SELENOO: variants seen among roughly 807,000 people sequenced by gnomAD.
SELENOO encodes the protein protein adenylyltransferase SelO, mitochondrial.
Under a neutral mutation model 58.7 loss-of-function variants are expected in SELENOO, and 74 were observed. That is an observed-to-expected ratio of 1.26 (90% CI 1.04 to 1.53). The LOEUF (loss-of-function observed/expected upper bound fraction) is 1.53, where lower values mean the gene tolerates loss of function less well. Ranked by LOEUF, SELENOO falls within the 40% of genes most tolerant of loss-of-function variation. SELENOO has a pLI of 0.00. For synonymous variants in SELENOO, 543 were observed against 453.2 expected (o/e 1.20, Z -2.52); for missense variants, 1,149 against 970.0 (o/e 1.18, Z -2.45).
intron 5 of SELENOO, among the ~76,000 whole-genome samples, chr22:50,212,071 G>T (rs562032078): frequency 2.6e-5 from 4 of 152,190 alleles, no homozygotes; most frequent in African/African-American, 9.7e-5. Flanking sequence ...ATCTGTATGC[G>T]TAAGGGATAC....
Position 50,217,610 on chromosome 22 carries a change from CCCT to C in SELENOO, c.*243_*245del. 3.8e-6 allele frequency: 4 copies of C among 1,052,028 alleles called. No homozygotes were observed. The highest frequency in any genetic ancestry group is 1.6e-5 in the South Asian group (1 of 61,210). The allele number at this position is 1,052,028 out of a possible 1,614,324, so 65.2% of individuals were successfully genotyped here. A position where few individuals can be genotyped will look rare whatever the true frequency, so the allele number is the denominator to read the frequency against. On this transcript the variant is annotated 3_prime_UTR_variant, in exon 9 of 9. Coordinates refer to ENST00000380903, the MANE Select transcript of SELENOO (RefSeq NM_031454.2). ...CAGGCTCCTAAATAAACCAGCAACT[CCCT>C]CGAGTCTGTCTCTGTGGTCATTGTT...
intron 4 of SELENOO, 83 bp from the exon 5 acceptor site, chr22:50,210,547 CT>C: frequency 1.3e-6 from 2 of 1,588,682 alleles, no homozygotes; most frequent in South Asian, 2.2e-5. Context: ...GGACCTTCCC[CT>C]GGGCCTCCCC....
rs775830339 is a variant in SELENOO, at chr22:50,216,747, T to C, written c.1559T>C (p.Met520Thr). ...AQSNPQLFAL[M>T]GTRAGIAREL... is the part of the protein sequence containing the mutation. Reference sequence around the variant, plus strand: ...TCAAACCCGCAGCTGTTCGCGCTTATGGGCACCCGGGCAGGCATCGCCAGG... The same window carrying C: ...TCAAACCCGCAGCTGTTCGCGCTTACGGGCACCCGGGCAGGCATCGCCAGG... Residue 520 changes from methionine (M) to threonine (T), a missense_variant, in exon 7 of 9, where the codon ATG becomes ACG. Coordinates refer to ENST00000380903, the MANE Select transcript of SELENOO (RefSeq NM_031454.2). 6 of 1,607,476 alleles carry C rather than the reference T, an allele frequency of 3.7e-6. No individual in the cohort carries two copies. The highest frequency in any genetic ancestry group is 2.2e-5 in the South Asian group (2 of 90,740).
At chr22:50,203,226 T>A (rs571581975) in intron 1 of SELENOO, among the ~76,000 whole-genome samples, 3 of 152,224 alleles carry the variant, frequency 2.0e-5, no homozygotes, top group South Asian at 2.1e-4. Context: ...TATTTTTTTT[T>A]ATTAGCTGGG....
In SELENOO at chr22:50,208,570, G is replaced by T. The variant is rs2064347566; in HGVS notation, c.793G>T (p.Glu265Ter). The T allele has an allele frequency of 1.2e-6, 2 of 1,613,746 alleles. No individual in the cohort carries two copies. Among genetic ancestry groups the T allele is most frequent in the South Asian group, 2.2e-5 (2 of 91,078 alleles). ...CTTTGAGATTTTTAAGTCTGCAGAT[G>T]AGCACACAGGGCGTGCAGGCCCCAG... ...GSFEIFKSAD[E>*]HTGRAGPSVG... The change falls in exon 3 of 9, where the codon GAG (glutamate) becomes TAG (stop). Residue 265 changes from glutamate (E) to a stop codon, truncating the protein, a stop_gained. Transcript: ENST00000380903. LOFTEE classifies it high-confidence loss of function.
intron 2 of SELENOO, 194 bp from the exon 3 acceptor site, chr22:50,208,342 A>G: frequency 2.0e-6 from 1 of 489,800 alleles, no homozygotes. Flanking sequence ...AGGCAGTAGA[A>G]TCACTTGAAC....
chr22:50,208,824 CCCCG>C, intron 3 of SELENOO, 108 bp downstream of exon 3: 1 of 1,093,218 alleles, frequency 9.1e-7, no homozygotes, highest in Admixed American at 2.2e-5. Flanking sequence ...TACCCAGCCT[CCCCG>C]CCCTTCTCTG....
chr22:50,208,360 T>A, intron 2 of SELENOO, 176 bp from the exon 3 acceptor site: 1 of 534,228 alleles, frequency 1.9e-6, no homozygotes, highest in South Asian at 2.4e-5. Context: ...AACCCAGAAG[T>A]TGGAGGTTGT....
At chr22:50,216,215 C>T (rs1054556554) in intron 6 of SELENOO, among the ~76,000 whole-genome samples, 1 of 152,206 alleles carries the variant, frequency 6.6e-6, no homozygotes, top group Non-Finnish European at 1.5e-5. Flanking sequence ...TGAAGAGTCC[C>T]GCCCACGTGC....
Position 50,216,760 on chromosome 22 carries a change from A to G in SELENOO, c.1572A>G (p.Ala524=), listed in dbSNP as rs2064416401. ...PQLFALMGTR[A]GIARELERVE... is the part of the protein sequence containing the mutation. The stretch of plus-strand genomic sequence containing the variant: ...TGTTCGCGCTTATGGGCACCCGGGC[A>G]GGCATCGCCAGGGAGCTGGAGCGTG... Residue 524 remains alanine (A), a synonymous_variant, in exon 7 of 9, where the codon GCA becomes GCG. Transcript: ENST00000380903. 6.2e-7 allele frequency: 1 copy of G among 1,608,156 alleles called. No homozygotes were observed. The highest frequency in any genetic ancestry group is 8.5e-7 in the Non-Finnish European group (1 of 1,179,586).
chr22:50,213,145 C>T (rs1320087382), intron 5 of SELENOO, among the ~76,000 whole-genome samples: 3 of 152,148 alleles, frequency 2.0e-5, no homozygotes. Flanking sequence ...ACTGCAACCT[C>T]CGCCTCCCAG....
chr22:50,215,826 G>A lies in SELENOO; in HGVS notation c.1461G>A (p.Leu487=). The change falls in exon 6 of 9, where the codon CTG becomes CTA. Residue 487 remains leucine (L), a synonymous_variant. Coordinates refer to ENST00000380903, the MANE Select transcript of SELENOO (RefSeq NM_031454.2). ...LARLMEQCAS[L]EELRLAFRPQ... ...GGCTGATGGAGCAGTGTGCCTCCCTGGAGGAGCTGAGGCTGGCCTTCCGGC... is the reference window on the plus strand; with the variant it reads ...GGCTGATGGAGCAGTGTGCCTCCCTAGAGGAGCTGAGGCTGGCCTTCCGGC... 5 of 1,612,218 alleles carry A rather than the reference G, an allele frequency of 3.1e-6. No individual in the cohort carries two copies. Among genetic ancestry groups the A allele is most frequent in the Non-Finnish European group, 4.2e-6 (5 of 1,178,834 alleles).
chr22:50,215,446 C>T lies in SELENOO; in HGVS notation c.1352-271C>T, dbSNP rs949841377. Among the ~76,000 whole-genome samples the T allele has an allele frequency of 1.3e-4, 19 of 149,570 alleles. 2 individuals carry two copies. Among genetic ancestry groups the T allele is most frequent in the Admixed American group, 9.3e-4 (14 of 15,042 alleles). ...CTGTGCTGGGGGCAGCATTTGGGTC[C>T]GTGTGGGTCTCTGTGGCATGCGTGC... is the stretch of plus-strand genomic sequence containing the variant. On this transcript the variant is annotated intron_variant, in intron 5 of 8. Coordinates refer to ENST00000380903, the MANE Select transcript of SELENOO (RefSeq NM_031454.2).
At chr22:50,211,290 G>T (rs1029472702) in intron 5 of SELENOO, among the ~76,000 whole-genome samples, 1 of 152,170 alleles carries the variant, frequency 6.6e-6, no homozygotes, top group African/African-American at 2.4e-5. Context: ...ACGGTGCACT[G>T]TGTGTTGTGT....
Position 50,217,117 on chromosome 22 carries a change from G to T in SELENOO, c.1834G>T (p.Asp612Tyr), listed in dbSNP as rs776118713. Residue 612 changes from aspartate (D) to tyrosine (Y), a missense_variant, in exon 8 of 9, where the codon GAC becomes TAC. Transcript: ENST00000380903. ...TGCCATCGAGGCTGCCGAGCGCGGGGACTTCTCAGAGGCAAGCACACGCCT... is the reference window on the plus strand; with the variant it reads ...TGCCATCGAGGCTGCCGAGCGCGGGTACTTCTCAGAGGCAAGCACACGCCT... The part of the protein sequence containing the change: ...QNAIEAAERG[D>Y]FSEVRRVLKL... The T allele has an allele frequency of 1.2e-6, 2 of 1,612,976 alleles. No homozygotes were observed.
rs377287218 is a variant in SELENOO at position 50,208,665 on chromosome 22, G to A, written c.888G>A (p.Gln296=). ...YVISSFYPEI[Q]AAHASDSVQR... ...TCAGCTCCTTTTACCCCGAGATCCA[G>A]GCTGCTCATGCCAGCGACAGCGTGC... Residue 296 remains glutamine, a synonymous_variant, in exon 3 of 9, where the codon CAG becomes CAA. Transcript: ENST00000380903. 6.2e-6 allele frequency: 10 copies of A among 1,613,636 alleles called. No homozygotes were observed. Among genetic ancestry groups the A allele is most frequent in the Non-Finnish European group, 8.5e-6 (10 of 1,180,002 alleles).
In SELENOO at chr22:50,206,386, C is replaced by G; in HGVS notation, c.624C>G (p.His208Gln). The G allele has an allele frequency of 6.2e-7, 1 of 1,614,172 alleles. No individual in the cohort carries two copies. The highest frequency in any genetic ancestry group is 1.3e-5 in the African/African-American group (1 of 75,066). ...REFLCSEAMF[H>Q]LGVPTTRAGA... ...TTCTATGCAGCGAAGCCATGTTCCA[C>G]CTGGGAGTCCCCACCACACGGGCCG... Residue 208 changes from histidine (H) to glutamine (Q), a missense_variant, in exon 2 of 9, where the codon CAC (histidine) becomes CAG (glutamine). His to Gln is a conservative substitution (Grantham distance 24). Coordinates refer to ENST00000380903, the MANE Select transcript of SELENOO (RefSeq NM_031454.2).
Position 50,201,456 on chromosome 22 carries a change from C to T in SELENOO, c.420C>T (p.Tyr140=), listed in dbSNP as rs1555903850. The T allele has an allele frequency of 4.2e-6, 6 of 1,419,480 alleles. No individual in the cohort carries two copies. The highest frequency in any genetic ancestry group is 5.5e-6 in the Non-Finnish European group (6 of 1,083,770). 87.9% of individuals were successfully genotyped at this position (1,419,480 alleles called of 1,614,324 possible). The change falls in exon 1 of 9, where the codon TAC becomes TAT. Residue 140 remains tyrosine (Y), a synonymous_variant. Coordinates refer to ENST00000380903, the MANE Select transcript of SELENOO (RefSeq NM_031454.2). ...GCGCCGAGCCCGCCGCGCACTGCTA[C>T]TGCGGCCACCAATTCGGCCAGTTCG... ...LPGAEPAAHC[Y]CGHQFGQFAG... is the part of the protein sequence containing the mutation.
chr22:50,208,589 GC>G lies in SELENOO; in HGVS notation c.816del (p.Ser273AlafsTer42). On this transcript the variant is annotated frameshift_variant, in exon 3 of 9. Transcript: ENST00000380903. LOFTEE classifies it high-confidence loss of function. ...GCAGATGAGCACACAGGGCGTGCAG[GC>G]CCCAGCGTGGGGAGGAACGACATTC... ...KSADEHTGRA[G>X]PSVGRNDIRV... 3 of 1,613,932 alleles carry G rather than the reference GC, an allele frequency of 1.9e-6. No homozygotes were observed. Among genetic ancestry groups the G allele is most frequent in the Non-Finnish European group, 2.5e-6 (3 of 1,179,992 alleles).
Sources: allele counts gnomAD v4.1 joint callset (sites outside exome capture counted in the v4.1 genomes callset), GRCh38; gene constraint gnomAD v4.1.1; transcripts MANE v1.5; gene names NCBI Gene and HGNC (gene_info 2026-07-23, HGNC 2026-07-21).